The following FIRRM variants were observed in gnomAD, a reference collection of about 807,000 sequenced individuals.
FIRRM encodes the protein FIGNL1-interacting regulator of recombination and mitosis.
chr1:169,825,387 T>C, the FIRRM span, among the ~76,000 whole-genome samples: 1 of 152,250 alleles, frequency 6.6e-6, no homozygotes, highest in African/African-American at 2.4e-5. Flanking sequence ...ACTTGTACAC[T>C]TGTCTGTTAA....
the FIRRM span, among the ~76,000 whole-genome samples, chr1:169,821,293 T>C: frequency 1.3e-5 from 2 of 152,202 alleles, no homozygotes; most frequent in Non-Finnish European, 2.9e-5. Flanking sequence ...TGTTTTCTTT[T>C]ATATATCATT....
At chr1:169,838,453 A>G in the FIRRM span, among the ~76,000 whole-genome samples, 1 of 152,062 alleles carries the variant, frequency 6.6e-6, no homozygotes, top group Non-Finnish European at 1.5e-5. Flanking sequence ...CAGGTTGTTC[A>G]ACATACGTCT....
At chr1:169,851,902 T>C in the FIRRM span, 1 of 1,614,070 alleles carries the variant, frequency 6.2e-7, no homozygotes, top group Middle Eastern at 1.7e-4. Context: ...TTTGCTAATG[T>C]GACTGTAGAA....
the FIRRM span, among the ~76,000 whole-genome samples, chr1:169,829,657 G>T: frequency 2.6e-5 from 4 of 152,282 alleles, no homozygotes; most frequent in African/African-American, 9.6e-5. Context: ...AACATTTTGG[G>T]TGGGGAGGTA....
chr1:169,795,899 G>T, the FIRRM span: 3 of 985,258 alleles, frequency 3.0e-6, no homozygotes, highest in Non-Finnish European at 3.6e-6. Context: ...GGCGCTTAGC[G>T]CCTTCTTCGT....
At chr1:169,794,957 G>A in the FIRRM span, 1 of 639,022 alleles carries the variant, frequency 1.6e-6, no homozygotes, top group Non-Finnish European at 2.7e-6. Context: ...TTCCGGCCTT[G>A]AGGGACCCGG....
chr1:169,817,401 A>G, the FIRRM span, among the ~76,000 whole-genome samples: 6 of 152,228 alleles, frequency 3.9e-5, no homozygotes, highest in African/African-American at 1.2e-4. Flanking sequence ...GCCATAATTG[A>G]CTGGGGATTT....
chr1:169,801,601 A>C, the FIRRM span, among the ~76,000 whole-genome samples: 3 of 21,550 alleles, frequency 1.4e-4, no homozygotes, highest in African/African-American at 5.5e-4. Context: ...TTAATTCAAA[A>C]AAAAAAAAAA....
the FIRRM span, chr1:169,849,399 T>A: frequency 1.2e-6 from 1 of 810,998 alleles, no homozygotes; most frequent in African/African-American, 1.7e-5. Context: ...GGGACAGGAT[T>A]ATGTTAACTT....
chr1:169,846,054 G>GA, the FIRRM span, among the ~76,000 whole-genome samples: 3 of 152,234 alleles, frequency 2.0e-5, no homozygotes, highest in East Asian at 5.8e-4. Flanking sequence ...ATGGGCTGCA[G>GA]AATGACTGTT....
chr1:169,829,408 A>T, the FIRRM span: 1 of 1,613,390 alleles, frequency 6.2e-7, no homozygotes, highest in Non-Finnish European at 8.5e-7. Flanking sequence ...TCATCTGTGT[A>T]CATTTATTAC....
At chr1:169,825,056 T>C in the FIRRM span, among the ~76,000 whole-genome samples, 1 of 152,216 alleles carries the variant, frequency 6.6e-6, no homozygotes, top group Non-Finnish European at 1.5e-5. Flanking sequence ...CCTTGCCCTA[T>C]TAACATGTTC....
chr1:169,801,121 T>G, the FIRRM span: 1 of 495,314 alleles, frequency 2.0e-6, no homozygotes, highest in Non-Finnish European at 3.6e-6. Context: ...GAGACTATAA[T>G]GGTGTTAGTG....
At chr1:169,837,495 A>G in the FIRRM span, among the ~76,000 whole-genome samples, 1 of 152,212 alleles carries the variant, frequency 6.6e-6, no homozygotes, top group African/African-American at 2.4e-5. Flanking sequence ...TACCTTTTAC[A>G]TAGAATGTTC....
the FIRRM span, among the ~76,000 whole-genome samples, chr1:169,822,246 G>A: frequency 1.1e-3 from 164 of 152,318 alleles, no homozygotes; most frequent in Middle Eastern, 3.4e-3. Context: ...TTAAATGGCA[G>A]CTGCCCAGAA....
the FIRRM span, chr1:169,804,031 G>A: frequency 1.5e-6 from 2 of 1,329,806 alleles, no homozygotes; most frequent in Non-Finnish European, 9.8e-7. Context: ...TGGCTCTTGA[G>A]CTTTGATTTG....
chr1:169,812,472 A>T, the FIRRM span, among the ~76,000 whole-genome samples: 1 of 152,370 alleles, frequency 6.6e-6, no homozygotes, highest in African/African-American at 2.4e-5. Flanking sequence ...TTATGGTGAT[A>T]TGATGACGTC....
At chr1:169,820,665 C>T in the FIRRM span, among the ~76,000 whole-genome samples, 4 of 152,186 alleles carry the variant, frequency 2.6e-5, no homozygotes, top group Non-Finnish European at 5.9e-5. Context: ...GACTCTAACT[C>T]CCGTAAGTTA....
chr1:169,827,809 A>G, the FIRRM span: 1 of 1,614,072 alleles, frequency 6.2e-7, no homozygotes. Flanking sequence ...CCTGTGGTGC[A>G]CAGACAGCCA....
Sources: gnomAD v4.1 joint callset for allele counts (sites outside exome capture counted in the v4.1 genomes callset) on GRCh38, gnomAD v4.1.1 for gene constraint, MANE v1.5 for transcripts, NCBI Gene and HGNC (gene_info 2026-07-23, HGNC 2026-07-21) for gene names.